Variants in KCNMB2 observed in about 807,000 individuals in gnomAD.
KCNMB2 encodes potassium calcium-activated channel subfamily M regulatory beta subunit 2, also known as calcium-activated potassium channel subunit beta-2.
KCNMB2 carries 9 observed loss-of-function variants against 24.5 expected under a neutral mutation model. The ratio of observed to expected loss-of-function variants is 0.37; its 90% confidence interval spans 0.22 to 0.64. KCNMB2 has a LOEUF of 0.64. Among genes scored for constraint, KCNMB2 ranks in the 30% least tolerant of loss-of-function variants. KCNMB2 has a pLI of 0.63. For missense variants in KCNMB2, 226 were observed against 284.3 expected (o/e 0.79, Z 1.47); for synonymous variants, 109 against 104.4 (o/e 1.04, Z -0.27).
At chr3:178,611,681 G>A (rs983750104) in intron 1 of KCNMB2, among the ~76,000 whole-genome samples, 1 of 152,024 alleles carries the variant, frequency 6.6e-6, no homozygotes, top group African/African-American at 2.4e-5. Context: ...CTCCAGCCTG[G>A]GAGACAGAGC....
chr3:178,830,495 T>C (rs1346572640), intron 4 of KCNMB2, among the ~76,000 whole-genome samples: 4 of 152,180 alleles, frequency 2.6e-5, no homozygotes, highest in East Asian at 1.9e-4. Context: ...ATTTAAATCA[T>C]AGAGTATCCA....
chr3:178,813,380 T>C (rs1714272147), intron 2 of KCNMB2, among the ~76,000 whole-genome samples: 1 of 152,182 alleles, frequency 6.6e-6, no homozygotes, highest in Non-Finnish European at 1.5e-5. Context: ...TTAAGCAACA[T>C]TTTGTGGCAA....
chr3:178,831,110 T>G (rs1715042362), intron 4 of KCNMB2, among the ~76,000 whole-genome samples: 1 of 151,554 alleles, frequency 6.6e-6, no homozygotes, highest in Non-Finnish European at 1.5e-5. Flanking sequence ...GTTTCTTTTT[T>G]GTTTGTTTTT....
At chr3:178,703,890 A>C (rs916636281) in intron 1 of KCNMB2, among the ~76,000 whole-genome samples, 2 of 152,188 alleles carry the variant, frequency 1.3e-5, no homozygotes, top group African/African-American at 4.8e-5. Flanking sequence ...GTGAGGAACA[A>C]GGTGGTTTAA....
chr3:178,556,621 G>A (rs554560339), intron 1 of KCNMB2, among the ~76,000 whole-genome samples: 2 of 152,132 alleles, frequency 1.3e-5, no homozygotes, highest in East Asian at 3.9e-4. Flanking sequence ...TGGTCAGAGT[G>A]GTCTTGAACT....
At chr3:178,602,699 A>G (rs544314821) in intron 1 of KCNMB2, among the ~76,000 whole-genome samples, 3 of 152,204 alleles carry the variant, frequency 2.0e-5, no homozygotes, top group African/African-American at 7.2e-5. Context: ...CAGGGTGAGT[A>G]AAGGACTGTA....
intron 1 of KCNMB2, among the ~76,000 whole-genome samples, chr3:178,692,618 T>A (rs1362043067): frequency 6.6e-6 from 1 of 152,164 alleles, no homozygotes; most frequent in East Asian, 1.9e-4. Context: ...TGTTTTTGTG[T>A]CAGTACCATG....
intron 1 of KCNMB2, among the ~76,000 whole-genome samples, chr3:178,629,388 A>C (rs1472517428): frequency 6.6e-6 from 1 of 152,192 alleles, no homozygotes; most frequent in Non-Finnish European, 1.5e-5. Context: ...TGAAAGGCAG[A>C]GTGGTGAAGT....
chr3:178,629,630 T>C (rs919377041), intron 1 of KCNMB2, among the ~76,000 whole-genome samples: 6 of 152,144 alleles, frequency 3.9e-5, no homozygotes, highest in African/African-American at 9.7e-5. Context: ...AGTTACAGAG[T>C]ACCTCTTATA....
intron 1 of KCNMB2, among the ~76,000 whole-genome samples, chr3:178,737,606 T>C (rs905993734): frequency 2.0e-5 from 3 of 152,242 alleles, no homozygotes; most frequent in African/African-American, 7.2e-5. Flanking sequence ...GTGCTAGACC[T>C]GTGCTTGACA....
intron 1 of KCNMB2, among the ~76,000 whole-genome samples, chr3:178,642,572 G>GATACTAATATTA (rs1217395711): frequency 1.3e-5 from 2 of 152,232 alleles, no homozygotes; most frequent in African/African-American, 4.8e-5. Context: ...AGAAGTGCAA[G>GATACTAATATTA]TTAGGGAGAA....
intron 1 of KCNMB2, among the ~76,000 whole-genome samples, chr3:178,572,593 T>C (rs1560114217): frequency 6.6e-6 from 1 of 152,222 alleles, no homozygotes; most frequent in African/African-American, 2.4e-5. Flanking sequence ...ACTTGCAATT[T>C]TGTGCATTTT....
Position 178,816,338 on chromosome 3 carries a change from T to C in KCNMB2, c.56+8873T>C, listed in dbSNP as rs760784904. On this transcript the variant is annotated intron_variant, in intron 2 of 4. Coordinates refer to ENST00000452583, the MANE Select transcript of KCNMB2 (RefSeq NM_181361.3). ...CCAATCCATACCTTATCTGTAGTTA[T>C]AGTTTTTAATTCCTGATACTTATTT... Among the ~76,000 whole-genome samples the C allele has an allele frequency of 3.9e-5, 6 of 152,102 alleles. No individual in the cohort carries two copies. In the East Asian group the frequency reaches 9.6e-4, roughly 24 times the overall value.
intron 1 of KCNMB2, among the ~76,000 whole-genome samples, chr3:178,634,988 T>C (rs531217412): frequency 2.6e-5 from 4 of 152,194 alleles, no homozygotes; most frequent in Admixed American, 2.6e-4. Flanking sequence ...TTTTCCCCTT[T>C]CCCTGTCCCA....
At chr3:178,679,531 A>G (rs1356972414) in intron 1 of KCNMB2, among the ~76,000 whole-genome samples, 1 of 152,188 alleles carries the variant, frequency 6.6e-6, no homozygotes, top group East Asian at 1.9e-4. Flanking sequence ...GGGCTTGCAC[A>G]TGTACATACA....
At chr3:178,795,657 G>T (rs955093052) in intron 1 of KCNMB2, among the ~76,000 whole-genome samples, 1 of 152,090 alleles carries the variant, frequency 6.6e-6, no homozygotes, top group Non-Finnish European at 1.5e-5. Context: ...CCTCAGTCCC[G>T]CTCCTGCCAG....
At chr3:178,609,476 A>G (rs1418859111) in intron 1 of KCNMB2, among the ~76,000 whole-genome samples, 1 of 150,818 alleles carries the variant, frequency 6.6e-6, no homozygotes, top group Non-Finnish European at 1.5e-5. Context: ...GAAGCTTTTT[A>G]ATTTGATGTG....
At chr3:178,769,438 G>T (rs982025537) in intron 1 of KCNMB2, among the ~76,000 whole-genome samples, 3 of 152,162 alleles carry the variant, frequency 2.0e-5, no homozygotes, top group Non-Finnish European at 4.4e-5. Flanking sequence ...GACACTCAAA[G>T]ATGGTGCAGT....
chr3:178,753,226 A>G (rs1723909560), intron 1 of KCNMB2, among the ~76,000 whole-genome samples: 1 of 152,224 alleles, frequency 6.6e-6, no homozygotes, highest in Non-Finnish European at 1.5e-5. Context: ...AAAGCACTTT[A>G]AACTTTTTAA....
Sources: gnomAD v4.1 joint callset for allele counts (sites outside exome capture counted in the v4.1 genomes callset) on GRCh38, gnomAD v4.1.1 for gene constraint, MANE v1.5 for transcripts, NCBI Gene and HGNC (gene_info 2026-07-23, HGNC 2026-07-21) for gene names.